The following LRRTM4 variants were observed in gnomAD, a reference collection of about 807,000 sequenced individuals.
The protein encoded by LRRTM4 is leucine rich repeat transmembrane neuronal 4, also known as leucine-rich repeat transmembrane neuronal protein 4.
Under a neutral mutation model 47.6 loss-of-function variants are expected in LRRTM4, and 25 were observed. The ratio of observed to expected loss-of-function variants is 0.53; its 90% CI spans 0.38 to 0.73. The LOEUF (loss-of-function observed/expected upper bound fraction) is 0.73, where lower values mean the gene tolerates loss of function less well. LRRTM4 is among the 30% of genes least tolerant of loss of function. The pLI, the probability that LRRTM4 is intolerant of heterozygous loss-of-function variation, is 0.00. For synonymous variants in LRRTM4, 311 were observed against 269.5 expected (o/e 1.15, Z -1.51); for missense variants, 638 against 713.4 (o/e 0.89, Z 1.20).
intron 3 of LRRTM4, among the ~76,000 whole-genome samples, chr2:77,154,538 G>T (rs1236979305): frequency 6.6e-6 from 1 of 152,002 alleles, no homozygotes; most frequent in African/African-American, 2.4e-5. Context: ...ATACATATTA[G>T]TAAAGTATTT....
At chr2:76,999,632 A>G (rs1350129595) in intron 3 of LRRTM4, among the ~76,000 whole-genome samples, 1 of 152,110 alleles carries the variant, frequency 6.6e-6, no homozygotes, top group Non-Finnish European at 1.5e-5. Flanking sequence ...TACCTTTCAG[A>G]TTTTAAAAGT....
intron 3 of LRRTM4, among the ~76,000 whole-genome samples, chr2:76,918,637 A>T (rs1446592999): frequency 6.6e-6 from 1 of 152,184 alleles, no homozygotes; most frequent in Non-Finnish European, 1.5e-5. Context: ...GCATCTGTGT[A>T]ATCACTCTTG....
intron 3 of LRRTM4, among the ~76,000 whole-genome samples, chr2:77,304,109 A>G (rs777668875): frequency 2.0e-5 from 3 of 152,044 alleles, no homozygotes; most frequent in Non-Finnish European, 4.4e-5. Flanking sequence ...CCATCAATAC[A>G]TGTTACTTTT....
intron 3 of LRRTM4, among the ~76,000 whole-genome samples, chr2:77,183,248 AC>A (rs34556474): frequency 6.6e-6 from 1 of 152,136 alleles, no homozygotes; most frequent in African/African-American, 2.4e-5. Flanking sequence ...CAAAAAAACA[AC>A]CCCATCAAAA....
chr2:76,905,727 A>G (rs1308156640), intron 3 of LRRTM4, among the ~76,000 whole-genome samples: 1 of 151,028 alleles, frequency 6.6e-6, no homozygotes, highest in Admixed American at 6.7e-5. Context: ...GATGCGATCA[A>G]CTGGAAGAAA....
chr2:77,427,358 A>G (rs999210321), intron 3 of LRRTM4, among the ~76,000 whole-genome samples: 1 of 152,230 alleles, frequency 6.6e-6, no homozygotes, highest in Non-Finnish European at 1.5e-5. Flanking sequence ...AAAATAACAA[A>G]TAAGGACTCT....
intron 3 of LRRTM4, among the ~76,000 whole-genome samples, chr2:77,166,225 A>C (rs766642959): frequency 3.9e-5 from 6 of 152,186 alleles, no homozygotes; most frequent in Non-Finnish European, 7.3e-5. Flanking sequence ...AAAGAGAATA[A>C]AATACCTGGG....
At chr2:77,374,542 T>G (rs1312420981) in intron 3 of LRRTM4, among the ~76,000 whole-genome samples, 2 of 151,866 alleles carry the variant, frequency 1.3e-5, no homozygotes. Flanking sequence ...TCTTCTAATA[T>G]GGAACTAGAT....
intron 3 of LRRTM4, among the ~76,000 whole-genome samples, chr2:77,350,360 A>G (rs796662512): frequency 0.016 from 2,271 of 143,704 alleles, 85 homozygotes; most frequent in African/African-American, 0.06. Flanking sequence ...AAAAAAAAAA[A>G]AAAGAAATTG....
At chr2:76,991,305 C>T (rs77186193) in intron 3 of LRRTM4, among the ~76,000 whole-genome samples, 1 of 151,498 alleles carries the variant, frequency 6.6e-6, no homozygotes, top group African/African-American at 2.4e-5. Context: ...GAGAGTGTAA[C>T]TGAATGAAAT....
chr2:77,318,736 A>C (rs1380108315), intron 3 of LRRTM4, among the ~76,000 whole-genome samples: 1 of 152,196 alleles, frequency 6.6e-6, no homozygotes, highest in Non-Finnish European at 1.5e-5. Flanking sequence ...CTTAAAGGAG[A>C]ATAACACTCA....
At chr2:76,867,793 A>G in intron 3 of LRRTM4, among the ~76,000 whole-genome samples, 1 of 152,156 alleles carries the variant, frequency 6.6e-6, no homozygotes, top group East Asian at 1.9e-4. Context: ...CTGGAATAGA[A>G]TATATTTTCT....
At chr2:77,133,311 T>C (rs1671851057) in intron 3 of LRRTM4, among the ~76,000 whole-genome samples, 1 of 152,184 alleles carries the variant, frequency 6.6e-6, no homozygotes, top group Non-Finnish European at 1.5e-5. Context: ...TTCATTATTT[T>C]TCTCAATTTA....
intron 3 of LRRTM4, among the ~76,000 whole-genome samples, chr2:76,833,001 G>A (rs922916567): frequency 6.6e-5 from 10 of 152,078 alleles, no homozygotes; most frequent in African/African-American, 2.2e-4. Context: ...AAACTGGAAA[G>A]TTAGAAAGTA....
chr2:77,011,706 C>T (rs1285993319), intron 3 of LRRTM4, among the ~76,000 whole-genome samples: 2 of 151,990 alleles, frequency 1.3e-5, no homozygotes, highest in African/African-American at 4.8e-5. Context: ...GGCATTCATC[C>T]ATGTGGTTGA....
intron 3 of LRRTM4, among the ~76,000 whole-genome samples, chr2:76,950,695 T>C (rs1217742662): frequency 2.6e-5 from 4 of 151,970 alleles, no homozygotes; most frequent in Non-Finnish European, 5.9e-5. Context: ...ATTAGGGCCC[T>C]ATGAAAGCAT....
chr2:77,005,863 ACACTT>A (rs757236876), intron 3 of LRRTM4, among the ~76,000 whole-genome samples: 1 of 152,270 alleles, frequency 6.6e-6, no homozygotes, highest in South Asian at 2.1e-4. Flanking sequence ...AGTATTCTAA[ACACTT>A]CACAAATATT....
At chr2:77,064,571 C>T (rs954799787) in intron 3 of LRRTM4, among the ~76,000 whole-genome samples, 1 of 152,114 alleles carries the variant, frequency 6.6e-6, no homozygotes, top group African/African-American at 2.4e-5. Flanking sequence ...CTTCTTCAGG[C>T]TAGAGAAGTA....
chr2:76,999,340 G>A (rs1391173420), intron 3 of LRRTM4, among the ~76,000 whole-genome samples: 1 of 151,768 alleles, frequency 6.6e-6, no homozygotes. Flanking sequence ...ATGTACTTGA[G>A]CAACTGGTAC....
Sources: gnomAD v4.1 joint callset for allele counts (sites outside exome capture counted in the v4.1 genomes callset) on GRCh38, gnomAD v4.1.1 for gene constraint, MANE v1.5 for transcripts, NCBI Gene and HGNC (gene_info 2026-07-23, HGNC 2026-07-21) for gene names.